The following ULK2 variants were observed in gnomAD, a reference collection of about 807,000 sequenced individuals.
ULK2 encodes unc-51 like autophagy activating kinase 2, also known as serine/threonine-protein kinase ULK2.
ULK2 carries 76 observed loss-of-function variants against 127.5 expected under a neutral mutation model. The ratio of observed to expected loss-of-function variants is 0.60; its 90% confidence interval spans 0.50 to 0.72. The LOEUF is 0.72. Ranked by LOEUF, ULK2 falls within the 30% of genes least tolerant of loss-of-function variation. ULK2 has a pLI of 0.00. For missense variants in ULK2, 1,144 were observed against 1,295.9 expected, an observed-to-expected ratio of 0.88 and a Z score of 1.80; for synonymous variants, 452 against 461.9, an observed-to-expected ratio of 0.98 and a Z score of 0.28.
chr17:19,781,116 A>G lies in ULK2; in HGVS notation c.2640-12T>C. On this transcript the variant is annotated splice_polypyrimidine_tract_variant and intron_variant, in intron 23 of 26. Transcript: ENST00000395544. The stretch of plus-strand genomic sequence containing the variant: ...GCTGCTCCACCCGCCTGCACCCAAA[A>G]GACAGTAGCAGAGGGTTATCTTGTG... The G allele has an allele frequency of 1.2e-6, 2 of 1,612,008 alleles. No homozygotes were observed. Among genetic ancestry groups the G allele is most frequent in the South Asian group, 1.1e-5 (1 of 90,904 alleles).
At chr17:19,779,540 AAAAAAAAAAAAAAAG>A (rs1333508236) in intron 25 of ULK2, among the ~76,000 whole-genome samples, 1 of 151,444 alleles carries the variant, frequency 6.6e-6, no homozygotes, top group Non-Finnish European at 1.5e-5. Context: ...TCAAAAAAAA[AAAAAAAAAAAAAAAG>A]AAAAACATAT....
chr17:19,793,735 G>C (rs2087206812), intron 20 of ULK2, among the ~76,000 whole-genome samples: 1 of 152,094 alleles, frequency 6.6e-6, no homozygotes, highest in African/African-American at 2.4e-5. Flanking sequence ...CTCCTGGCCA[G>C]ATAAACAAAA....
At chr17:19,797,317 T>C (rs148260988) in intron 18 of ULK2, 79 bp downstream of exon 18, 9 of 1,407,818 alleles carry the variant, frequency 6.4e-6, no homozygotes, top group East Asian at 2.5e-5. Context: ...ATAAAAAAAT[T>C]ATAGCTATTC....
chr17:19,812,575 T>C (rs2087667072), intron 13 of ULK2, among the ~76,000 whole-genome samples: 1 of 152,374 alleles, frequency 6.6e-6, no homozygotes, highest in South Asian at 2.1e-4. Context: ...CAGCATCAGC[T>C]GTTTACTCTG....
intron 22 of ULK2, 92 bp downstream of exon 22, chr17:19,783,605 C>T (rs2086965039): frequency 1.6e-6 from 2 of 1,241,704 alleles, no homozygotes; most frequent in South Asian, 5.9e-5. Context: ...ACATAACTTC[C>T]TAACTATTTA....
At chr17:19,803,993 C>T (rs2087456702) in intron 15 of ULK2, among the ~76,000 whole-genome samples, 1 of 152,262 alleles carries the variant, frequency 6.6e-6, no homozygotes, top group East Asian at 1.9e-4. Flanking sequence ...TACGTGCATA[C>T]TTATGTCTGC....
chr17:19,795,855 A>G, intron 19 of ULK2, 130 bp from the exon 20 acceptor site: 1 of 955,864 alleles, frequency 1.0e-6, no homozygotes, highest in Non-Finnish European at 1.6e-6. Flanking sequence ...ATAAACTTCA[A>G]TAATACAAAT....
chr17:19,777,724 C>T lies in ULK2; in HGVS notation c.2917-8G>A. The stretch of plus-strand genomic sequence containing the variant: ...CAGGGCTGCAGACTGAACCTGGAAC[C>T]AGTCAACAAAAACACAATTCTCTCA... On this transcript the variant is annotated splice_polypyrimidine_tract_variant and splice_region_variant and intron_variant, in intron 25 of 26. Transcript: ENST00000395544. 1 of 1,592,042 alleles carries T rather than the reference C, an allele frequency of 6.3e-7. No homozygotes were observed. Among genetic ancestry groups the T allele is most frequent in the Non-Finnish European group, 8.5e-7 (1 of 1,172,494 alleles).
intron 10 of ULK2, among the ~76,000 whole-genome samples, chr17:19,832,239 T>C (rs2041473226): frequency 6.6e-6 from 1 of 151,092 alleles, no homozygotes; most frequent in African/African-American, 2.4e-5. Flanking sequence ...ATAATAAAGA[T>C]TGGAGTCAAG....
intron 23 of ULK2, among the ~76,000 whole-genome samples, 197 bp from the exon 24 acceptor site, chr17:19,781,301 G>C (rs1167168148): frequency 1.4e-5 from 2 of 147,796 alleles, no homozygotes; most frequent in Non-Finnish European, 3.0e-5. Flanking sequence ...AAGTATAGTG[G>C]CTTGATCTTG....
chr17:19,846,572 G>C (rs941177772), intron 6 of ULK2, among the ~76,000 whole-genome samples, 165 bp downstream of exon 6: 1 of 150,820 alleles, frequency 6.6e-6, no homozygotes, highest in Non-Finnish European at 1.5e-5. Context: ...CCCAGGAGGC[G>C]TAGGTTGCAG....
chr17:19,799,492 T>C lies in ULK2; in HGVS notation c.1522+3A>G. 1 of 1,560,184 alleles carries C rather than the reference T, an allele frequency of 6.4e-7. No individual in the cohort carries two copies. The highest frequency in any genetic ancestry group is 8.6e-7 in the Non-Finnish European group (1 of 1,160,858). On this transcript the variant is annotated splice_donor_region_variant and intron_variant, in intron 17 of 26. Coordinates refer to ENST00000395544, the MANE Select transcript of ULK2 (RefSeq NM_014683.4). Reference sequence around the variant, plus strand: ...TATTAATAAACCAAATACATTATCCTACCTGAGGAGTTTCTACTCCTGGAG... The same window carrying C: ...TATTAATAAACCAAATACATTATCCCACCTGAGGAGTTTCTACTCCTGGAG...
chr17:19,866,290 A>G (rs2042349375), intron 1 of ULK2, among the ~76,000 whole-genome samples: 1 of 151,938 alleles, frequency 6.6e-6, no homozygotes, highest in South Asian at 2.1e-4. Context: ...ACCTGAGGTC[A>G]GGAGTTCAAG....
chr17:19,796,079 G>A lies in ULK2; in HGVS notation c.1997+16C>T. 1 of 1,591,092 alleles carries A rather than the reference G, an allele frequency of 6.3e-7. No homozygotes were observed. The highest frequency in any genetic ancestry group is 8.5e-7 in the Non-Finnish European group (1 of 1,171,360). On this transcript the variant is annotated intron_variant, in intron 19 of 26. Coordinates refer to ENST00000395544, the MANE Select transcript of ULK2 (RefSeq NM_014683.4). ...CAGTTTTCATGTTTAATGCTAGAAT[G>A]GAAACAGTCTTTTACCTGCCAAACA...
In ULK2 at chr17:19,833,799, G is replaced by A. The variant is rs2041523570; in HGVS notation, c.787+4702C>T. Among the ~76,000 whole-genome samples the A allele has an allele frequency of 3.9e-5, 6 of 152,260 alleles. No individual in the cohort carries two copies. The South Asian group carries it at 1.2e-3, about 32-fold the overall frequency. ...AAAGGAAAAAACAATATGGAAAAAT[G>A]AACAGACTCAGCTGTGCGACATCAT... is the stretch of plus-strand genomic sequence containing the variant. On this transcript the variant is annotated intron_variant, in intron 10 of 26. Transcript: ENST00000395544.
At chr17:19,802,787 T>A (rs1180111378) in intron 15 of ULK2, among the ~76,000 whole-genome samples, 2 of 152,244 alleles carry the variant, frequency 1.3e-5, no homozygotes, top group African/African-American at 2.4e-5. Flanking sequence ...TACTCCATTA[T>A]GTGAGACTCC....
rs35552728 is a variant in ULK2 at position 19,814,411 on chromosome 17, CATATAT to C, written c.1096+2332_1096+2337del. On this transcript the variant is annotated intron_variant, in intron 13 of 26. Coordinates refer to ENST00000395544, the MANE Select transcript of ULK2 (RefSeq NM_014683.4). ...ACACAAGAATGTCTGTTATTATATA[CATATAT>C]ATATATATATATATATATATATTTT... is the stretch of plus-strand genomic sequence containing the variant. Among the ~76,000 whole-genome samples, 129 of 36,482 alleles carry C rather than the reference CATATAT, an allele frequency of 3.5e-3. 4 individuals are homozygous for C. The highest frequency in any genetic ancestry group is 6.5e-3 in the Admixed American group (14 of 2,140). 23.9% of individuals were successfully genotyped at this position (36,482 alleles called of 152,430 possible).
intron 23 of ULK2, 25 bp from the exon 24 acceptor site, chr17:19,781,129 G>C: frequency 6.2e-7 from 1 of 1,607,540 alleles, no homozygotes; most frequent in East Asian, 2.2e-5. Flanking sequence ...CAGTAGCAGA[G>C]GGTTATCTTG....
At chr17:19,843,068 C>G in intron 8 of ULK2, 53 bp downstream of exon 8, 1 of 1,368,812 alleles carries the variant, frequency 7.3e-7, no homozygotes, top group Non-Finnish European at 1.0e-6. Flanking sequence ...TCAAACGCAA[C>G]TATAAAATGA....
Sources: gnomAD v4.1 joint callset for allele counts (sites outside exome capture counted in the v4.1 genomes callset) on GRCh38, gnomAD v4.1.1 for gene constraint, MANE v1.5 for transcripts, NCBI Gene and HGNC (gene_info 2026-07-23, HGNC 2026-07-21) for gene names.